Variants in MTCL2 observed in about 807,000 individuals in gnomAD.
MTCL2 encodes microtubule cross-linking factor 2.
chr20:36,784,911 G>A, the MTCL2 span: 2 of 985,450 alleles, frequency 2.0e-6, no homozygotes, highest in Non-Finnish European at 2.4e-6. Context: ...CTGTTTTCCT[G>A]TGAGTTCTCA....
At chr20:36,818,351 T>C in the MTCL2 span, among the ~76,000 whole-genome samples, 2 of 152,236 alleles carry the variant, frequency 1.3e-5, no homozygotes, top group Non-Finnish European at 2.9e-5. Flanking sequence ...GACAGGAGGA[T>C]TGCCTGAGGC....
At chr20:36,784,584 C>A in the MTCL2 span, 2 of 985,426 alleles carry the variant, frequency 2.0e-6, no homozygotes, top group African/African-American at 1.7e-5. Flanking sequence ...TACAGGAAGG[C>A]TGATGTCTAT....
the MTCL2 span, among the ~76,000 whole-genome samples, chr20:36,810,599 G>A: frequency 0.9 from 136,491 of 152,024 alleles, 61,793 homozygotes; most frequent in African/African-American, 0.98. Flanking sequence ...AACGCTATAG[G>A]CCTCCATAAA....
the MTCL2 span, among the ~76,000 whole-genome samples, chr20:36,858,948 G>A: frequency 6.6e-6 from 1 of 152,128 alleles, no homozygotes. Flanking sequence ...CCACGACCAC[G>A]CCTGGGTAAT....
At chr20:36,860,945 T>G in the MTCL2 span, among the ~76,000 whole-genome samples, 1 of 152,160 alleles carries the variant, frequency 6.6e-6, no homozygotes, top group Non-Finnish European at 1.5e-5. Flanking sequence ...TGGGACTGTT[T>G]TCCCCTTTAA....
the MTCL2 span, chr20:36,803,148 C>T: frequency 1.9e-6 from 3 of 1,561,500 alleles, no homozygotes; most frequent in Non-Finnish European, 2.6e-6. Flanking sequence ...AGCAGGAGGC[C>T]ACTCCTCTTG....
the MTCL2 span, among the ~76,000 whole-genome samples, chr20:36,809,612 G>A: frequency 4.6e-5 from 6 of 130,772 alleles, no homozygotes; most frequent in Admixed American, 5.2e-4. Context: ...ATATCACTCT[G>A]TCACCCAGGC....
At chr20:36,843,480 C>T in the MTCL2 span, among the ~76,000 whole-genome samples, 1 of 150,376 alleles carries the variant, frequency 6.6e-6, no homozygotes, top group Non-Finnish European at 1.5e-5. Context: ...CAGCATACCA[C>T]GTGGACAGAA....
chr20:36,782,552 T>C, the MTCL2 span: 1 of 152,390 alleles, frequency 6.6e-6, no homozygotes, highest in Non-Finnish European at 1.5e-5. Flanking sequence ...ATTTCTTTTT[T>C]GAGATTGGGT....
the MTCL2 span, chr20:36,808,727 T>C: frequency 4.4e-6 from 7 of 1,596,612 alleles, no homozygotes; most frequent in Non-Finnish European, 6.0e-6. Flanking sequence ...GAGCGCCCTC[T>C]GCTGGTCCTC....
At chr20:36,812,963 G>A in the MTCL2 span, 2 of 1,232,194 alleles carry the variant, frequency 1.6e-6, no homozygotes, top group Non-Finnish European at 2.2e-6. Context: ...CCACCCACCT[G>A]AGGGCTGGGA....
chr20:36,858,394 AC>A, the MTCL2 span, among the ~76,000 whole-genome samples: 1 of 50,882 alleles, frequency 2.0e-5, no homozygotes. Flanking sequence ...AGGAGGGAAA[AC>A]ACACACACAC....
the MTCL2 span, chr20:36,802,822 C>T: frequency 5.2e-5 from 82 of 1,568,274 alleles, no homozygotes; most frequent in Non-Finnish European, 6.0e-5. Flanking sequence ...CTCTCCCTTG[C>T]GGGTGGAAGC....
At chr20:36,790,644 C>T in the MTCL2 span, among the ~76,000 whole-genome samples, 4 of 151,204 alleles carry the variant, frequency 2.6e-5, no homozygotes, top group Admixed American at 1.3e-4. Context: ...ACTGTGTTGC[C>T]CAGGCTGGTC....
the MTCL2 span, among the ~76,000 whole-genome samples, chr20:36,796,143 C>T: frequency 3.9e-5 from 6 of 152,224 alleles, no homozygotes; most frequent in South Asian, 2.1e-4. Context: ...CAAACTAAGA[C>T]GCCATGAAGC....
At chr20:36,812,601 C>A in the MTCL2 span, 1 of 1,481,654 alleles carries the variant, frequency 6.7e-7, no homozygotes, top group Admixed American at 2.0e-5. Context: ...TGCCCCAAAC[C>A]CATATCCTCA....
the MTCL2 span, among the ~76,000 whole-genome samples, chr20:36,795,334 C>CCTGCCT: frequency 6.6e-6 from 1 of 152,192 alleles, no homozygotes; most frequent in Non-Finnish European, 1.5e-5. Context: ...AAGAGATCTT[C>CCTGCCT]CTGCCTCTGC....
chr20:36,790,192 T>C, the MTCL2 span, among the ~76,000 whole-genome samples: 697 of 150,884 alleles, frequency 4.6e-3, 8 homozygotes, highest in African/African-American at 0.016. Context: ...GGGGTTTCAC[T>C]GTGTTAGCCA....
At chr20:36,784,259 G>A in the MTCL2 span, 1 of 985,966 alleles carries the variant, frequency 1.0e-6, no homozygotes. Flanking sequence ...TCCAAGAGCG[G>A]AACTGGCCCA....
Sources: allele counts gnomAD v4.1 joint callset (sites outside exome capture counted in the v4.1 genomes callset), GRCh38; gene constraint gnomAD v4.1.1; transcripts MANE v1.5; gene names NCBI Gene and HGNC (gene_info 2026-07-23, HGNC 2026-07-21).